TRPM6: variants seen among roughly 807,000 people sequenced by gnomAD.
The protein encoded by TRPM6 is channel kinase 2.
TRPM6 carries 111 observed loss-of-function variants against 247.6 expected under a neutral mutation model. The observed-to-expected ratio is 0.45, with a 90% CI of 0.38 to 0.52. The LOEUF (loss-of-function observed/expected upper bound fraction) is 0.52, where lower values mean the gene tolerates loss of function less well. TRPM6 is among the 20% of genes least tolerant of loss of function. The pLI is 0.00. For synonymous variants in TRPM6, 892 were observed against 853.8 expected (o/e 1.04, Z -0.78); for missense variants, 2,126 against 2,421.5 (o/e 0.88, Z 2.56).
intron 19 of TRPM6, among the ~76,000 whole-genome samples, chr9:74,789,031 C>T (rs1827797510): frequency 6.6e-6 from 1 of 152,212 alleles, no homozygotes; most frequent in Non-Finnish European, 1.5e-5. Context: ...GGACCCTGCA[C>T]ATCCAACAGG....
At chr9:74,801,642 G>T (rs915154452) in intron 16 of TRPM6, among the ~76,000 whole-genome samples, 2 of 152,062 alleles carry the variant, frequency 1.3e-5, no homozygotes, top group Non-Finnish European at 2.9e-5. Flanking sequence ...CTAAAGCCCC[G>T]AAATCTGGTC....
intron 15 of TRPM6, 86 bp from the exon 16 acceptor site, chr9:74,802,261 A>T (rs942669644): frequency 1.6e-6 from 2 of 1,253,816 alleles, no homozygotes; most frequent in African/African-American, 3.0e-5. Flanking sequence ...TGTCCTAGAG[A>T]TTTTTTTTAA....
At chr9:74,728,963 G>A (rs529948758) in intron 37 of TRPM6, among the ~76,000 whole-genome samples, 60 of 152,274 alleles carry the variant, frequency 3.9e-4, no homozygotes, top group African/African-American at 1.4e-3. Context: ...ACATATGCTC[G>A]ATGTAGGTGA....
intron 1 of TRPM6, among the ~76,000 whole-genome samples, chr9:74,864,013 A>G (rs1247603324): frequency 6.6e-6 from 1 of 152,160 alleles, no homozygotes; most frequent in African/African-American, 2.4e-5. Flanking sequence ...TCATCTAACA[A>G]CTACTTCTTC....
chr9:74,818,115 C>G (rs550291405), intron 9 of TRPM6, among the ~76,000 whole-genome samples: 2 of 152,052 alleles, frequency 1.3e-5, no homozygotes, highest in Non-Finnish European at 2.9e-5. Context: ...TTCTCTTGAC[C>G]CTCTTGGTCA....
chr9:74,812,178 G>A lies in TRPM6; in HGVS notation c.1443+121C>T. On this transcript the variant is annotated intron_variant, in intron 12 of 38. Coordinates refer to ENST00000360774, the MANE Select transcript of TRPM6 (RefSeq NM_017662.5). ...GAACTAGATCCAGCTTCAGATAATAGGGAAGTCCAGCTACTTCTAATTTCC... is the reference window on the plus strand; with the variant it reads ...GAACTAGATCCAGCTTCAGATAATAAGGAAGTCCAGCTACTTCTAATTTCC... 2.3e-6 allele frequency: 3 copies of A among 1,287,722 alleles called. No homozygotes were observed. The South Asian group carries it at 3.7e-5, about 16-fold the overall frequency. The allele number at this position is 1,287,722 out of a possible 1,614,324, so 79.8% of individuals were successfully genotyped here.
chr9:74,864,510 C>T (rs1474940815), intron 1 of TRPM6, among the ~76,000 whole-genome samples: 3 of 152,194 alleles, frequency 2.0e-5, no homozygotes, highest in Non-Finnish European at 4.4e-5. Context: ...TCCTGTTCCA[C>T]CAACACTACC....
chr9:74,788,086 G>T (rs1739216005), intron 20 of TRPM6, among the ~76,000 whole-genome samples: 1 of 151,842 alleles, frequency 6.6e-6, no homozygotes, highest in Non-Finnish European at 1.5e-5. Flanking sequence ...TTGTTTCTTG[G>T]ACTATTTGCC....
intron 5 of TRPM6, among the ~76,000 whole-genome samples, chr9:74,839,549 C>CCA (rs977503304): frequency 3.9e-5 from 6 of 152,072 alleles, no homozygotes; most frequent in African/African-American, 1.4e-4. Flanking sequence ...AAGTCCAGGC[C>CCA]CACACACACT....
At chr9:74,849,322 G>A (rs1830211604) in intron 3 of TRPM6, among the ~76,000 whole-genome samples, 1 of 141,172 alleles carries the variant, frequency 7.1e-6, no homozygotes, top group South Asian at 2.2e-4. Flanking sequence ...TTGCACTCCA[G>A]CCTGGGAAAT....
Position 74,804,471 on chromosome 9 carries a change from A to G in TRPM6, c.1639-585T>C, listed in dbSNP as rs75716406. The G allele has an allele frequency of 4.4e-3, 2,824 of 644,246 alleles. 62 individuals carry two copies. The African/African-American group carries it at 0.047, about 11-fold the overall frequency. The allele number at this position is 644,246 out of a possible 1,614,324, so 39.9% of individuals were successfully genotyped here. A position where few individuals can be genotyped will look rare whatever the true frequency, so the allele number is the denominator to read the frequency against. On this transcript the variant is annotated intron_variant, in intron 14 of 38. Coordinates refer to ENST00000360774, the MANE Select transcript of TRPM6 (RefSeq NM_017662.5). Reference sequence around the variant, plus strand: ...ACTAACATAAAATATGATAAAAACCATAAGCTTGCCTGATCTCTATTTCTA... The same window carrying G: ...ACTAACATAAAATATGATAAAAACCGTAAGCTTGCCTGATCTCTATTTCTA...
chr9:74,868,760 G>A (rs898886686), intron 1 of TRPM6, among the ~76,000 whole-genome samples: 81 of 152,278 alleles, frequency 5.3e-4, no homozygotes, highest in African/African-American at 1.8e-3. Flanking sequence ...GGTTAGAAAC[G>A]TGGAGATTTC....
At position 74,820,164 on chromosome 9, in the gene TRPM6, C is replaced by T. The variant is rs891473952; in HGVS notation, c.1134+140G>A. 4.4e-6 allele frequency: 4 copies of T among 905,320 alleles called. No individual in the cohort carries two copies. The Admixed American group carries it at 6.2e-5, about 14-fold the overall frequency. The allele number at this position is 905,320 out of a possible 1,614,324, so 56.1% of individuals were successfully genotyped here. On this transcript the variant is annotated intron_variant, in intron 9 of 38. Coordinates refer to ENST00000360774, the MANE Select transcript of TRPM6 (RefSeq NM_017662.5). ...TATTTATCCTGATTTTCTCCCTCCC[C>T]CCTCCACCCTGACAGGCCCCTGTAT...
Position 74,738,537 on chromosome 9 carries a change from C to T in TRPM6, c.5646G>A (p.Glu1882=). 1 of 1,614,082 alleles carries T rather than the reference C, an allele frequency of 6.2e-7. No homozygotes were observed. Among genetic ancestry groups the T allele is most frequent in the Non-Finnish European group, 8.5e-7 (1 of 1,180,000 alleles). ...CATTGTTGTTGTTATACTTCCGGAA[C>T]TCCCCTGTCATATACTTCTCAATGG... is the stretch of plus-strand genomic sequence containing the variant. The part of the protein sequence containing the change: ...WLTIEKYMTG[E]FRKYNNNNGD... Residue 1882 remains glutamate (E), a synonymous_variant, in exon 36 of 39, where the codon GAG becomes GAA. Transcript: ENST00000360774.
At chr9:74,852,016 G>C (rs1041360356) in intron 3 of TRPM6, among the ~76,000 whole-genome samples, 1 of 151,552 alleles carries the variant, frequency 6.6e-6, no homozygotes, top group Non-Finnish European at 1.5e-5. Flanking sequence ...TGCCAGGAGG[G>C]GGGTAGCTAC....
intron 3 of TRPM6, among the ~76,000 whole-genome samples, chr9:74,846,748 C>T (rs1830121937): frequency 1.3e-5 from 2 of 152,042 alleles, no homozygotes; most frequent in Non-Finnish European, 2.9e-5. Context: ...AGGGTTTCAC[C>T]ATGTTGCCCA....
Position 74,816,926 on chromosome 9 carries a change from G to A in TRPM6, c.1173C>T (p.Asp391=). The A allele has an allele frequency of 6.2e-7, 1 of 1,614,152 alleles. No individual in the cohort carries two copies. The highest frequency in any genetic ancestry group is 8.5e-7 in the Non-Finnish European group (1 of 1,180,016). The change falls in exon 10 of 39, where the codon GAC becomes GAT. Residue 391 remains aspartate (D), a synonymous_variant. Transcript: ENST00000360774. ...IFDADSEEQQ[D]LDLAILTALL... ...AAGCTGTTAGGATTGCTAAGTCCAG[G>A]TCTTGCTGCTCTTCAGAGTCAGCAT...
chr9:74,774,644 C>T (rs1156432372), intron 24 of TRPM6, among the ~76,000 whole-genome samples: 1 of 152,142 alleles, frequency 6.6e-6, no homozygotes, highest in African/African-American at 2.4e-5. Context: ...CCGCTATCCC[C>T]TTAGCTGAAA....
intron 1 of TRPM6, among the ~76,000 whole-genome samples, chr9:74,860,906 C>G (rs991485794): frequency 6.6e-5 from 10 of 152,010 alleles, no homozygotes; most frequent in African/African-American, 2.4e-4. Flanking sequence ...CTATAATTCC[C>G]AGCAACCCAG....
Sources: allele counts gnomAD v4.1 joint callset (sites outside exome capture counted in the v4.1 genomes callset), GRCh38; gene constraint gnomAD v4.1.1; transcripts MANE v1.5; gene names NCBI Gene and HGNC (gene_info 2026-07-23, HGNC 2026-07-21).